The following NPAS3 variants were observed in gnomAD, a reference collection of about 807,000 sequenced individuals.
NPAS3 encodes the protein neuronal PAS domain-containing protein 3.
Under a neutral mutation model 73.1 loss-of-function variants are expected in NPAS3, and 14 were observed. That is an observed-to-expected ratio of 0.19 (90% CI 0.13 to 0.30). The LOEUF (loss-of-function observed/expected upper bound fraction) is 0.30, where lower values mean the gene tolerates loss of function less well. NPAS3 is among the 10% of genes least tolerant of loss of function. NPAS3 has a pLI of 1.00. For synonymous variants in NPAS3, 620 were observed against 541.5 expected (o/e 1.14, Z -2.01); for missense variants, 1,096 against 1,250.0 (o/e 0.88, Z 1.86).
intron 4 of NPAS3, among the ~76,000 whole-genome samples, chr14:33,431,371 A>AT (rs1273863612): frequency 5.3e-5 from 8 of 152,202 alleles, no homozygotes; most frequent in Non-Finnish European, 1.0e-4. Flanking sequence ...GTTGTTTATT[A>AT]TAAGAATTAC....
chr14:32,944,092 C>T (rs2036151760), intron 1 of NPAS3, among the ~76,000 whole-genome samples: 1 of 152,086 alleles, frequency 6.6e-6, no homozygotes, highest in African/African-American at 2.4e-5. Context: ...TAATAATGAC[C>T]CTAATGTAAC....
chr14:33,060,814 A>G (rs952123163), intron 2 of NPAS3, among the ~76,000 whole-genome samples: 4 of 151,986 alleles, frequency 2.6e-5, no homozygotes, highest in African/African-American at 7.3e-5. Context: ...ATTCAAGAAA[A>G]TGGGTAGTTT....
intron 2 of NPAS3, among the ~76,000 whole-genome samples, chr14:33,168,850 G>A (rs1194550333): frequency 1.3e-5 from 2 of 152,158 alleles, no homozygotes. Context: ...CAAGCTCTAA[G>A]AAAGTAAAAA....
intron 5 of NPAS3, among the ~76,000 whole-genome samples, chr14:33,566,756 T>G (rs1406533224): frequency 6.6e-6 from 1 of 152,236 alleles, no homozygotes. Flanking sequence ...CCTGTCATCT[T>G]TACATAGAAC....
intron 4 of NPAS3, among the ~76,000 whole-genome samples, chr14:33,399,922 C>T (rs1318092774): frequency 3.3e-5 from 5 of 151,998 alleles, no homozygotes; most frequent in African/African-American, 9.7e-5. Flanking sequence ...CTCTGTACTT[C>T]GGTTTCCTCA....
At chr14:33,595,912 C>T (rs948331597) in intron 5 of NPAS3, among the ~76,000 whole-genome samples, 1 of 152,080 alleles carries the variant, frequency 6.6e-6, no homozygotes, top group African/African-American at 2.4e-5. Context: ...CCTCGTGATC[C>T]GACCGCCTAG....
chr14:33,565,524 T>C (rs1026747371), intron 5 of NPAS3, among the ~76,000 whole-genome samples: 4 of 152,230 alleles, frequency 2.6e-5, no homozygotes, highest in Non-Finnish European at 5.9e-5. Flanking sequence ...CACTCTTCCA[T>C]TCTGTGTTTT....
intron 2 of NPAS3, among the ~76,000 whole-genome samples, chr14:33,097,481 G>A (rs575747447): frequency 6.6e-6 from 1 of 152,264 alleles, no homozygotes; most frequent in East Asian, 1.9e-4. Flanking sequence ...CAATAGTGTA[G>A]ATATGAACAT....
chr14:32,971,797 A>G (rs544144125), intron 1 of NPAS3, among the ~76,000 whole-genome samples: 68 of 152,206 alleles, frequency 4.5e-4, no homozygotes, highest in Non-Finnish European at 8.1e-4. Context: ...ACGGTTTATT[A>G]CTAAGAGCTC....
At chr14:32,936,354 T>G (rs2035694943), upstream of NPAS3, among the ~76,000 whole-genome samples, 1 of 152,136 alleles carries the variant, frequency 6.6e-6, no homozygotes, top group African/African-American at 2.4e-5. Context: ...AAGGGGCTAT[T>G]CCTTGTCAAA....
chr14:33,259,980 A>G (rs1404844974), intron 3 of NPAS3, among the ~76,000 whole-genome samples: 2 of 152,104 alleles, frequency 1.3e-5, no homozygotes, highest in African/African-American at 4.8e-5. Flanking sequence ...AGTTGCCCTG[A>G]ACAGACATTG....
intron 5 of NPAS3, among the ~76,000 whole-genome samples, chr14:33,602,246 T>G (rs1272916547): frequency 2.6e-5 from 4 of 152,200 alleles, no homozygotes; most frequent in Non-Finnish European, 5.9e-5. Context: ...AAGAGCCATC[T>G]GAAAGGATGA....
At chr14:33,523,669 A>C (rs546641854) in intron 4 of NPAS3, among the ~76,000 whole-genome samples, 1 of 151,306 alleles carries the variant, frequency 6.6e-6, no homozygotes, top group African/African-American at 2.4e-5. Context: ...AATCCCACCT[A>C]TTCTGGAGGC....
At chr14:33,767,627 C>A (rs540941146) in intron 7 of NPAS3, among the ~76,000 whole-genome samples, 4 of 139,718 alleles carry the variant, frequency 2.9e-5, no homozygotes, top group Admixed American at 1.4e-4. Context: ...GTACCTGAAG[C>A]CTTTTTCGTT....
intron 4 of NPAS3, among the ~76,000 whole-genome samples, chr14:33,549,872 C>T (rs1419323377): frequency 6.6e-6 from 1 of 152,072 alleles, no homozygotes; most frequent in Non-Finnish European, 1.5e-5. Context: ...TAATGAATGG[C>T]CAATCCCTCT....
chr14:33,748,294 G>T (rs1298004652), intron 7 of NPAS3, among the ~76,000 whole-genome samples: 1 of 152,100 alleles, frequency 6.6e-6, no homozygotes, highest in African/African-American at 2.4e-5. Context: ...TGATGATAAG[G>T]ATAAGATGAT....
At chr14:33,687,262 A>G (rs2060116274) in intron 6 of NPAS3, among the ~76,000 whole-genome samples, 1 of 152,164 alleles carries the variant, frequency 6.6e-6, no homozygotes, top group Non-Finnish European at 1.5e-5. Flanking sequence ...AATTTTGAAA[A>G]TTACAAAATT....
At chr14:33,684,285 C>A (rs1489567109) in intron 6 of NPAS3, among the ~76,000 whole-genome samples, 2 of 150,976 alleles carry the variant, frequency 1.3e-5, no homozygotes, top group African/African-American at 4.9e-5. Context: ...TCTATCTAAT[C>A]CTTTTCTTTG....
At chr14:33,615,971 A>G (rs1394210556) in intron 5 of NPAS3, among the ~76,000 whole-genome samples, 1 of 152,214 alleles carries the variant, frequency 6.6e-6, no homozygotes, top group Non-Finnish European at 1.5e-5. Context: ...CCAGTTCCTG[A>G]TGAGCCCAAT....
Sources: allele counts gnomAD v4.1 joint callset (sites outside exome capture counted in the v4.1 genomes callset), GRCh38; gene constraint gnomAD v4.1.1; transcripts MANE v1.5; gene names NCBI Gene and HGNC (gene_info 2026-07-23, HGNC 2026-07-21).